Variants in TBX15 observed in about 807,000 individuals in gnomAD.
TBX15 encodes the protein T-box transcription factor TBX15.
In TBX15, 18 loss-of-function variants were observed where a neutral mutation model predicts 53.9. That is an observed-to-expected ratio of 0.33 (90% CI 0.23 to 0.49). TBX15 has a LOEUF of 0.49. Among genes scored for constraint, TBX15 ranks in the 20% least tolerant of loss-of-function variants. The pLI is 0.98. For synonymous variants in TBX15, 295 were observed against 278.0 expected (o/e 1.06, Z -0.61); for missense variants, 692 against 749.5 (o/e 0.92, Z 0.90).
Position 118,987,905 on chromosome 1 carries a change from T to C in TBX15, c.-110A>G. ...CCGGCCCGGGAGAGGCGGAGGCGCG[T>C]CGGACGAGGCTGAGACTGCGGCTCG... On this transcript the variant is annotated 5_prime_UTR_variant, in exon 1 of 8. Coordinates refer to ENST00000369429, the MANE Select transcript of TBX15 (RefSeq NM_001330677.2). 10 of 1,380,502 alleles carry C rather than the reference T, an allele frequency of 7.2e-6. No individual in the cohort carries two copies. In the South Asian group the frequency reaches 1.4e-4, roughly 19 times the overall value. The allele number at this position is 1,380,502 out of a possible 1,614,324, so 85.5% of individuals were successfully genotyped here. A position where few individuals can be genotyped will look rare whatever the true frequency, so the allele number is the denominator to read the frequency against.
At chr1:118,918,749 G>T in intron 5 of TBX15, among the ~76,000 whole-genome samples, 1 of 152,120 alleles carries the variant, frequency 6.6e-6, no homozygotes, top group South Asian at 2.1e-4. Flanking sequence ...TTCTTGCCTA[G>T]TAACATGGAG....
intron 1 of TBX15, among the ~76,000 whole-genome samples, chr1:118,953,847 C>G (rs114794344): frequency 6.6e-6 from 1 of 152,186 alleles, no homozygotes; most frequent in African/African-American, 2.4e-5. Flanking sequence ...AATGAACAGT[C>G]TGAAATGAAC....
intron 1 of TBX15, among the ~76,000 whole-genome samples, chr1:118,984,442 C>G (rs567908143): frequency 5.7e-4 from 87 of 152,364 alleles, no homozygotes; most frequent in African/African-American, 2.0e-3. Context: ...CTGAGGACTC[C>G]GGGTGGAGCA....
chr1:118,933,539 A>G (rs150387800), intron 1 of TBX15, among the ~76,000 whole-genome samples: 1 of 151,986 alleles, frequency 6.6e-6, no homozygotes, highest in East Asian at 1.9e-4. Context: ...AGGACTAAGT[A>G]GCAGCTATTT....
intron 2 of TBX15, among the ~76,000 whole-genome samples, chr1:118,929,216 A>T (rs1160697722): frequency 4.6e-5 from 7 of 152,234 alleles, no homozygotes; most frequent in Admixed American, 4.6e-4. Context: ...AGACTTCAGC[A>T]GCTCTGAATC....
chr1:118,945,033 A>T (rs1656304712), intron 1 of TBX15, among the ~76,000 whole-genome samples: 2 of 152,220 alleles, frequency 1.3e-5, no homozygotes, highest in Non-Finnish European at 2.9e-5. Flanking sequence ...CTGTTTAAAA[A>T]TCCATACTTT....
At chr1:118,952,023 C>T (rs1426797783) in intron 1 of TBX15, among the ~76,000 whole-genome samples, 1 of 152,172 alleles carries the variant, frequency 6.6e-6, no homozygotes, top group Non-Finnish European at 1.5e-5. Flanking sequence ...ATATGTAGAT[C>T]TTCTTTTGCC....
chr1:118,889,227 A>G (rs1469877630), intron 7 of TBX15, among the ~76,000 whole-genome samples: 1 of 152,250 alleles, frequency 6.6e-6, no homozygotes, highest in Non-Finnish European at 1.5e-5. Context: ...CCATAGAAAG[A>G]GAAGACTATG....
intron 1 of TBX15, among the ~76,000 whole-genome samples, chr1:118,962,059 T>G (rs752135212): frequency 5.9e-5 from 9 of 152,252 alleles, no homozygotes; most frequent in African/African-American, 2.2e-4. Flanking sequence ...CATGAGGATA[T>G]GCCAATTTTT....
In TBX15 at chr1:118,987,843, G is replaced by T; in HGVS notation, c.-48C>A. On this transcript the variant is annotated 5_prime_UTR_variant, in exon 1 of 8. Coordinates refer to ENST00000369429, the MANE Select transcript of TBX15 (RefSeq NM_001330677.2). The stretch of plus-strand genomic sequence containing the variant: ...TCCGCTTGCCCCCGCTACCGAGGGA[G>T]CAGCCGGCGCCCTCAAGCTCTGAGC... 1 of 1,542,456 alleles carries T rather than the reference G, an allele frequency of 6.5e-7. No homozygotes were observed.
At chr1:118,892,276 C>A (rs1484528010) in intron 7 of TBX15, among the ~76,000 whole-genome samples, 2 of 152,164 alleles carry the variant, frequency 1.3e-5, no homozygotes, top group African/African-American at 4.8e-5. Flanking sequence ...ATGCTGGAAA[C>A]TTTTCAAGAT....
At chr1:118,947,835 C>T (rs1656394551) in intron 1 of TBX15, among the ~76,000 whole-genome samples, 1 of 152,098 alleles carries the variant, frequency 6.6e-6, no homozygotes, top group Admixed American at 6.6e-5. Flanking sequence ...CTGGTCCATG[C>T]CTCCCCCAGC....
rs1482101403 is a variant in TBX15, at chr1:118,883,816, C to T, written c.*916G>A. 7.2e-6 allele frequency: 1 copy of T among 139,814 alleles called. No individual in the cohort carries two copies. The highest frequency in any genetic ancestry group is 1.6e-5 in the Non-Finnish European group (1 of 64,188). The allele number at this position is 139,814 out of a possible 1,614,324, so 8.7% of individuals were successfully genotyped here. A position where few individuals can be genotyped will look rare whatever the true frequency, so the allele number is the denominator to read the frequency against. On this transcript the variant is annotated 3_prime_UTR_variant, in exon 8 of 8. Transcript: ENST00000369429. ...TTTACTCCTCAGTAATGCCATGATT[C>T]TTTCCATAACCTGTAGTGGGGCGGG...
At position 118,962,920 on chromosome 1, in the gene TBX15, C is replaced by CCT. The variant is rs561805150; in HGVS notation, c.205+24669_205+24670dup. Among the ~76,000 whole-genome samples the CCT allele has an allele frequency of 1.3e-3, 204 of 152,200 alleles. 1 individual carries two copies. The highest frequency in any genetic ancestry group is 4.6e-3 in the African/African-American group (193 of 41,530). The stretch of plus-strand genomic sequence containing the variant: ...AAAGCAGAAATAGTTTATGACAACC[C>CCT]CTCAGTTCCATTAAAACTAAAACTT... On this transcript the variant is annotated intron_variant, in intron 1 of 7. Coordinates refer to ENST00000369429, the MANE Select transcript of TBX15 (RefSeq NM_001330677.2).
chr1:118,895,976 T>C (rs770736516), intron 7 of TBX15, among the ~76,000 whole-genome samples: 2 of 152,232 alleles, frequency 1.3e-5, no homozygotes, highest in African/African-American at 2.4e-5. Flanking sequence ...GATATGATAC[T>C]AGACCAGACT....
chr1:118,891,535 A>AGGTAGGTAG (rs1654142744), intron 7 of TBX15, among the ~76,000 whole-genome samples: 1 of 152,174 alleles, frequency 6.6e-6, no homozygotes, highest in Non-Finnish European at 1.5e-5. Flanking sequence ...CCTTCAGGGA[A>AGGTAGGTAG]GGCATGTGAC....
intron 6 of TBX15, among the ~76,000 whole-genome samples, chr1:118,908,884 T>C (rs937170581): frequency 4.0e-5 from 6 of 150,380 alleles, no homozygotes; most frequent in Non-Finnish European, 8.9e-5. Flanking sequence ...CACTCACACA[T>C]ATACAGGTTT....
intron 1 of TBX15, among the ~76,000 whole-genome samples, chr1:118,937,080 G>C (rs1447543563): frequency 6.6e-6 from 1 of 152,110 alleles, no homozygotes; most frequent in East Asian, 1.9e-4. Flanking sequence ...TGAGAGGATT[G>C]AGAAGACTTT....
At chr1:118,948,465 T>C (rs955870998) in intron 1 of TBX15, among the ~76,000 whole-genome samples, 11 of 152,352 alleles carry the variant, frequency 7.2e-5, no homozygotes, top group African/African-American at 2.2e-4. Context: ...GCTGGCCTTC[T>C]GCTCCCTCCT....
Sources: allele counts gnomAD v4.1 joint callset (sites outside exome capture counted in the v4.1 genomes callset), GRCh38; gene constraint gnomAD v4.1.1; transcripts MANE v1.5; gene names NCBI Gene and HGNC (gene_info 2026-07-23, HGNC 2026-07-21).